TIA1: variants seen among roughly 807,000 people sequenced by gnomAD.
TIA1 encodes TIA1 cytotoxic granule associated RNA binding protein.
A neutral mutation model predicts 65.9 loss-of-function variants in TIA1; 23 were observed. That is an observed-to-expected ratio of 0.35 (90% confidence interval 0.25 to 0.49). TIA1 has a LOEUF of 0.49. Among genes scored for constraint, TIA1 ranks in the 20% least tolerant of loss-of-function variants. The pLI is 0.98. For missense variants in TIA1, 371 were observed against 477.9 expected (o/e 0.78, Z 2.09); for synonymous variants, 147 against 149.4 (o/e 0.98, Z 0.12).
intron 10 of TIA1, chr2:70,215,755 T>G: frequency 2.9e-6 from 1 of 340,994 alleles, no homozygotes; most frequent in Non-Finnish European, 5.3e-6. Flanking sequence ...AAATTTCAAT[T>G]TTTTTTTTTT....
At chr2:70,220,735 A>C (rs1367175358) in intron 7 of TIA1, among the ~76,000 whole-genome samples, 1 of 152,148 alleles carries the variant, frequency 6.6e-6, no homozygotes, top group Non-Finnish European at 1.5e-5. Context: ...TGGAAAAAAA[A>C]CAGAGATGTA....
intron 7 of TIA1, among the ~76,000 whole-genome samples, chr2:70,218,020 A>G (rs1206281458): frequency 6.6e-6 from 1 of 152,258 alleles, no homozygotes. Context: ...CATGCGGTTA[A>G]GAGCTAGGGA....
intron 2 of TIA1, among the ~76,000 whole-genome samples, chr2:70,235,541 AGTGTGTGTGTGTGT>A (rs145663932): frequency 6.8e-6 from 1 of 147,204 alleles, no homozygotes; most frequent in African/African-American, 2.5e-5. Context: ...TAGATGAATG[AGTGTGTGTGTGTGT>A]GTGTGTGTGT....
chr2:70,221,964 G>A (rs1025779517), intron 7 of TIA1, among the ~76,000 whole-genome samples: 2 of 151,770 alleles, frequency 1.3e-5, no homozygotes, highest in Non-Finnish European at 2.9e-5. Context: ...ATTTTTTGTA[G>A]AGAAGGGGTT....
At position 70,209,784 on chromosome 2, in the gene TIA1, G is replaced by T. The variant is rs1676030196; in HGVS notation, c.*2935C>A. The T allele has an allele frequency of 2.5e-6, 1 of 398,044 alleles. No individual in the cohort carries two copies. Among genetic ancestry groups the T allele is most frequent in the Admixed American group, 4.4e-5 (1 of 22,698 alleles). 24.7% of individuals were successfully genotyped at this position (398,044 alleles called of 1,614,324 possible). On this transcript the variant is annotated 3_prime_UTR_variant, in exon 13 of 13. Coordinates refer to ENST00000433529, the MANE Select transcript of TIA1 (RefSeq NM_022173.4). ...TGAAAGGTTTGCTTTCTTATTTCCT[G>T]TAAGTACATTTCGTTTTTCTAATTC...
At chr2:70,233,071 A>G (rs1687226206) in intron 2 of TIA1, among the ~76,000 whole-genome samples, 1 of 152,254 alleles carries the variant, frequency 6.6e-6, no homozygotes, top group Non-Finnish European at 1.5e-5. Flanking sequence ...GTTAAAATAA[A>G]AAACTAATTC....
rs981762383 is a variant in TIA1 at position 70,212,127 on chromosome 2, A to G, written c.*592T>C. 6.6e-6 allele frequency: 1 copy of G among 152,614 alleles called. No individual in the cohort carries two copies. The highest frequency in any genetic ancestry group is 1.5e-5 in the Non-Finnish European group (1 of 68,040). 9.5% of individuals were successfully genotyped at this position (152,614 alleles called of 1,614,324 possible). Reference sequence around the variant, plus strand: ...TTTAAGTATATTTTACAGAACTTTAATAAGGCAAGACAAATTTGTGAAAAA... The same window carrying G: ...TTTAAGTATATTTTACAGAACTTTAGTAAGGCAAGACAAATTTGTGAAAAA... On this transcript the variant is annotated 3_prime_UTR_variant, in exon 13 of 13. Coordinates refer to ENST00000433529, the MANE Select transcript of TIA1 (RefSeq NM_022173.4).
intron 5 of TIA1, 100 bp downstream of exon 5, chr2:70,228,953 TATCTCC>T: frequency 9.2e-7 from 1 of 1,087,244 alleles, no homozygotes; most frequent in Non-Finnish European, 1.1e-6. Flanking sequence ...ATAGAAATAA[TATCTCC>T]TCCCGCCCCC....
intron 5 of TIA1, 43 bp from the exon 6 acceptor site, chr2:70,227,865 T>C (rs1465121527): frequency 7.3e-7 from 1 of 1,364,212 alleles, no homozygotes; most frequent in African/African-American, 1.5e-5. Flanking sequence ...AAAATAGAAC[T>C]TTAGAATTTA....
chr2:70,245,011 C>T (rs976203958), intron 1 of TIA1, among the ~76,000 whole-genome samples: 1 of 151,830 alleles, frequency 6.6e-6, no homozygotes, highest in Non-Finnish European at 1.5e-5. Context: ...AATTGGGCTC[C>T]GTCTTGCTCT....
intron 7 of TIA1, among the ~76,000 whole-genome samples, chr2:70,221,451 C>A (rs1347655633): frequency 2.6e-5 from 4 of 151,400 alleles, no homozygotes; most frequent in Non-Finnish European, 5.9e-5. Context: ...GCCTGAGTGA[C>A]AGAGTGAGAC....
intron 1 of TIA1, among the ~76,000 whole-genome samples, chr2:70,241,261 G>A (rs1337569313): frequency 6.6e-6 from 1 of 152,028 alleles, no homozygotes; most frequent in East Asian, 1.9e-4. Context: ...CCAACATAGT[G>A]AAACCCCGTC....
chr2:70,246,181 C>A (rs1468149239), intron 1 of TIA1, among the ~76,000 whole-genome samples: 1 of 152,184 alleles, frequency 6.6e-6, no homozygotes, highest in Non-Finnish European at 1.5e-5. Context: ...TCCTCAGCCC[C>A]CCAAAGTGTT....
chr2:70,216,748 A>G (rs1161326580), intron 8 of TIA1, 138 bp downstream of exon 8: 2 of 1,590,992 alleles, frequency 1.3e-6, no homozygotes, highest in South Asian at 1.1e-5. Flanking sequence ...ATGAAAACTA[A>G]GTACATTTTT....
chr2:70,217,837 C>T (rs555390076), intron 7 of TIA1, among the ~76,000 whole-genome samples: 6 of 152,150 alleles, frequency 3.9e-5, no homozygotes, highest in Non-Finnish European at 7.4e-5. Context: ...ATTTTGGGAA[C>T]ATTAATCATC....
At chr2:70,218,450 G>C (rs879424531) in intron 7 of TIA1, among the ~76,000 whole-genome samples, 2 of 151,944 alleles carry the variant, frequency 1.3e-5, no homozygotes, top group African/African-American at 2.4e-5. Flanking sequence ...TCTTTTTTTC[G>C]AGATGGAGTC....
At chr2:70,231,905 T>TA (rs1686466692) in intron 2 of TIA1, among the ~76,000 whole-genome samples, 1 of 152,064 alleles carries the variant, frequency 6.6e-6, no homozygotes, top group Non-Finnish European at 1.5e-5. Flanking sequence ...CAGAAGCCTT[T>TA]AAAAAATTAT....
chr2:70,227,928 G>T, intron 5 of TIA1, 106 bp from the exon 6 acceptor site: 40 of 632,994 alleles, frequency 6.3e-5, no homozygotes, highest in Non-Finnish European at 7.7e-5. Flanking sequence ...TATGGCTTAT[G>T]ATAAAGTATA....
intron 6 of TIA1, chr2:70,225,150 T>G (rs571041389): frequency 9.7e-6 from 10 of 1,025,828 alleles, no homozygotes; most frequent in Non-Finnish European, 1.2e-5. Flanking sequence ...TTTTGAGAAC[T>G]TGACATTTTC....
Sources: gnomAD v4.1 joint callset for allele counts (sites outside exome capture counted in the v4.1 genomes callset) on GRCh38, gnomAD v4.1.1 for gene constraint, MANE v1.5 for transcripts, NCBI Gene and HGNC (gene_info 2026-07-23, HGNC 2026-07-21) for gene names.